RGS6: variants seen among roughly 807,000 people sequenced by gnomAD.
The protein encoded by RGS6 is regulator of G-protein signaling 6.
In RGS6, 30 loss-of-function variants were observed where a neutral mutation model predicts 78.5. The observed-to-expected ratio is 0.38, with a 90% CI of 0.29 to 0.52. The LOEUF is 0.52. RGS6 is among the 20% of genes least tolerant of loss of function. The pLI, the probability that RGS6 is intolerant of heterozygous loss-of-function variation, is 0.85. For synonymous variants in RGS6, 206 were observed against 206.0 expected, an observed-to-expected ratio of 1.00 and a Z score of 0.00; for missense variants, 495 against 609.7, an observed-to-expected ratio of 0.81 and a Z score of 1.98.
chr14:72,304,832 A>G (rs1341225862), intron 2 of RGS6, among the ~76,000 whole-genome samples: 1 of 152,116 alleles, frequency 6.6e-6, no homozygotes, highest in Admixed American at 6.6e-5. Context: ...ATGAGTTGAG[A>G]TCGTGAAACT....
At chr14:72,279,222 A>G (rs557274958) in intron 2 of RGS6, among the ~76,000 whole-genome samples, 9 of 151,938 alleles carry the variant, frequency 5.9e-5, no homozygotes, top group Admixed American at 6.6e-5. Context: ...TTGGACTGAA[A>G]CTCAGATCAG....
At chr14:72,629,720 C>A in the RGS6 span, 1 of 1,535,936 alleles carries the variant, frequency 6.5e-7, no homozygotes, top group Non-Finnish European at 8.7e-7. Flanking sequence ...GGGTAAACTG[C>A]AGGCAGGTTG....
chr14:72,544,862 T>C (rs1165213924), intron 17 of RGS6, among the ~76,000 whole-genome samples: 1 of 152,034 alleles, frequency 6.6e-6, no homozygotes, highest in Non-Finnish European at 1.5e-5. Flanking sequence ...AGAGAGAAAC[T>C]CCCAGCTCCA....
At chr14:72,265,306 C>T (rs117651944) in intron 2 of RGS6, among the ~76,000 whole-genome samples, 55 of 152,234 alleles carry the variant, frequency 3.6e-4, no homozygotes, top group Non-Finnish European at 6.0e-4. Context: ...GTGGCCAATG[C>T]GGCATTTTGG....
chr14:72,475,826 A>ACG (rs1555424279), intron 10 of RGS6, among the ~76,000 whole-genome samples: 1 of 84,118 alleles, frequency 1.2e-5, no homozygotes, highest in Non-Finnish European at 2.3e-5. Flanking sequence ...AAAAAAAAAT[A>ACG]CACGCACACA....
intron 2 of RGS6, among the ~76,000 whole-genome samples, chr14:72,272,370 C>G (rs2060073741): frequency 6.6e-6 from 1 of 152,162 alleles, no homozygotes; most frequent in Non-Finnish European, 1.5e-5. Flanking sequence ...TGGATTTTAG[C>G]TTCTCTCCTT....
intron 17 of RGS6, chr14:72,541,652 C>G (rs1346557150): frequency 6.5e-7 from 1 of 1,530,894 alleles, no homozygotes; most frequent in African/African-American, 1.4e-5. Flanking sequence ...CTGTTTGTCT[C>G]TTTTGAGGAC....
chr14:72,153,944 C>T (rs1165120475), intron 2 of RGS6, among the ~76,000 whole-genome samples: 2 of 152,118 alleles, frequency 1.3e-5, no homozygotes, highest in Non-Finnish European at 2.9e-5. Context: ...GGTGGAGTTT[C>T]CCAATCCTAG....
At chr14:72,321,436 C>T (rs867383886) in intron 2 of RGS6, among the ~76,000 whole-genome samples, 4 of 151,782 alleles carry the variant, frequency 2.6e-5, no homozygotes, top group Middle Eastern at 3.2e-3. Context: ...TAAAGTAAAA[C>T]TTAACCATAT....
chr14:72,559,606 C>T (rs1349757497), intron 17 of RGS6, among the ~76,000 whole-genome samples: 5 of 152,160 alleles, frequency 3.3e-5, no homozygotes, highest in African/African-American at 1.2e-4. Flanking sequence ...GAGAGGGAGA[C>T]AAAAATGCCA....
chr14:72,400,244 A>T (rs1249240415), intron 3 of RGS6, among the ~76,000 whole-genome samples: 3 of 152,254 alleles, frequency 2.0e-5, no homozygotes, highest in African/African-American at 7.2e-5. Flanking sequence ...AACATTCTTA[A>T]AGAAAAGAAT....
chr14:71,972,613 C>A (rs1408381189), intron 2 of RGS6, among the ~76,000 whole-genome samples: 1 of 151,946 alleles, frequency 6.6e-6, no homozygotes, highest in African/African-American at 2.4e-5. Context: ...GGAGAAGATT[C>A]AGTGTGGAGG....
chr14:72,608,453 T>C, the RGS6 span, among the ~76,000 whole-genome samples: 2 of 152,254 alleles, frequency 1.3e-5, no homozygotes, highest in Admixed American at 6.5e-5. Context: ...ACTGCCTTCA[T>C]GGAAGGCAGC....
intron 2 of RGS6, among the ~76,000 whole-genome samples, chr14:72,190,051 G>T (rs1286290597): frequency 6.6e-6 from 1 of 152,016 alleles, no homozygotes; most frequent in African/African-American, 2.4e-5. Context: ...TATCCCCAAG[G>T]ACTTTCTTTA....
chr14:72,113,100 A>ATG (rs369798832), intron 2 of RGS6, among the ~76,000 whole-genome samples: 6 of 123,548 alleles, frequency 4.9e-5, no homozygotes, highest in Admixed American at 8.7e-5. Context: ...GCATGCACAC[A>ATG]CATGCACACA....
intron 2 of RGS6, among the ~76,000 whole-genome samples, chr14:72,152,101 G>A (rs1336137682): frequency 6.6e-6 from 1 of 152,162 alleles, no homozygotes; most frequent in Non-Finnish European, 1.5e-5. Flanking sequence ...TAAAGTGACT[G>A]ACACATACAG....
intron 2 of RGS6, among the ~76,000 whole-genome samples, chr14:72,270,979 TAGTC>T (rs2059847038): frequency 6.6e-6 from 1 of 152,254 alleles, no homozygotes; most frequent in Non-Finnish European, 1.5e-5. Context: ...AGCATTATGT[TAGTC>T]AGTGGGGTTA....
At chr14:72,111,424 A>G (rs1186625605) in intron 2 of RGS6, among the ~76,000 whole-genome samples, 2 of 152,184 alleles carry the variant, frequency 1.3e-5, no homozygotes, top group African/African-American at 4.8e-5. Context: ...AACCTAGTGC[A>G]CTTCTCAGTA....
At chr14:72,036,494 G>A (rs2091736023) in intron 2 of RGS6, among the ~76,000 whole-genome samples, 1 of 152,096 alleles carries the variant, frequency 6.6e-6, no homozygotes, top group African/African-American at 2.4e-5. Context: ...GTTTGCCAGA[G>A]TATTTTCAAA....
Sources: allele counts gnomAD v4.1 joint callset (sites outside exome capture counted in the v4.1 genomes callset), GRCh38; gene constraint gnomAD v4.1.1; transcripts MANE v1.5; gene names NCBI Gene and HGNC (gene_info 2026-07-23, HGNC 2026-07-21).